The following LRCH4 variants were observed in gnomAD, a reference collection of about 807,000 sequenced individuals.
The protein encoded by LRCH4 is leucine rich repeats and calponin homology domain containing 4, also known as leucine-rich repeat and calponin homology domain-containing protein 4.
LRCH4 carries 56 observed loss-of-function variants against 81.2 expected under a neutral mutation model. That is an observed-to-expected ratio of 0.69 (90% confidence interval 0.56 to 0.86). LRCH4 has a LOEUF of 0.86. LRCH4 is among the 40% of genes least tolerant of loss of function. LRCH4 has a pLI of 0.00. For synonymous variants in LRCH4, 442 were observed against 409.7 expected (o/e 1.08, Z -0.95); for missense variants, 895 against 922.8 (o/e 0.97, Z 0.39).
In LRCH4 at chr7:100,582,647, T is replaced by C. The variant is rs1172543949; in HGVS notation, c.221-188A>G. ...GAGCACATTCCAGGCGTGACCAGAA[T>C]GGCACAGGGAAGGCAAAGGCCTTAG... On this transcript the variant is annotated intron_variant, in intron 1 of 17. Transcript: ENST00000310300. The surrounding 1 kb of genome is among the most constrained non-coding windows in gnomAD (Gnocchi z 5.0). 1.3e-5 allele frequency among the ~76,000 whole-genome samples: 2 copies of C among 152,178 alleles called. No individual in the cohort carries two copies. The highest frequency in any genetic ancestry group is 2.9e-5 in the Non-Finnish European group (2 of 68,016).
chr7:100,578,897 CTCT>C lies in LRCH4; in HGVS notation c.599-114_599-112del. ...CCAGTCACCCTGGGCCCAGCACAGC[CTCT>C]CCCCTGGGTGGCTCAAGTCATTCCC... On this transcript the variant is annotated intron_variant, in intron 4 of 17. Transcript: ENST00000310300. This position sits in a 1 kb window ranked among gnomAD's most constrained non-coding sequence, Gnocchi z 5.7. 8.3e-7 allele frequency: 1 copy of C among 1,211,658 alleles called. No homozygotes were observed. Among genetic ancestry groups the C allele is most frequent in the Admixed American group, 2.3e-5 (1 of 43,210 alleles). The allele number at this position is 1,211,658 out of a possible 1,614,324, so 75.1% of individuals were successfully genotyped here.
Position 100,577,576 on chromosome 7 carries a change from G to C in LRCH4, c.1117-18C>G. ...CGCTGCTCCTAAGGAGAGAACAGCAGAGCAGCTGAGGGCAGGCCTGTGCCC... is the reference window on the plus strand; with the variant it reads ...CGCTGCTCCTAAGGAGAGAACAGCACAGCAGCTGAGGGCAGGCCTGTGCCC... On this transcript the variant is annotated intron_variant, in intron 9 of 17. Transcript: ENST00000310300. This position sits in a 1 kb window ranked among gnomAD's most constrained non-coding sequence, Gnocchi z 6.7. 1 of 1,611,362 alleles carries C rather than the reference G, an allele frequency of 6.2e-7. No individual in the cohort carries two copies. The highest frequency in any genetic ancestry group is 1.7e-5 in the Admixed American group (1 of 60,024).
rs1424781617 is a variant in LRCH4, at chr7:100,579,025, G to A, written c.599-239C>T. The A allele has an allele frequency of 2.2e-5, 12 of 542,648 alleles. No individual in the cohort carries two copies. The East Asian group carries it at 2.2e-4, about 10-fold the overall frequency. 33.6% of individuals were successfully genotyped at this position (542,648 alleles called of 1,614,324 possible). On this transcript the variant is annotated intron_variant, in intron 4 of 17. Transcript: ENST00000310300. ...ATCTGGACGTCAGCTCAGCTTCCCC[G>A]GGAAGGCCCATCCGGACGTCAGGTC...
Position 100,576,333 on chromosome 7 carries a change from A to C in LRCH4, c.1553-10T>G. ...TCTGGTGAGGAAGGGCCTAGGAGAAAAAGGGGGGCATGGGGCTGCCTCCAC... is the reference window on the plus strand; with the variant it reads ...TCTGGTGAGGAAGGGCCTAGGAGAACAAGGGGGGCATGGGGCTGCCTCCAC... On this transcript the variant is annotated splice_polypyrimidine_tract_variant and intron_variant, in intron 14 of 17. Transcript: ENST00000310300. 1 of 1,608,896 alleles carries C rather than the reference A, an allele frequency of 6.2e-7. No individual in the cohort carries two copies.
rs1256291133 is a variant in LRCH4, at chr7:100,578,297, G to C, written c.849-39C>G. On this transcript the variant is annotated intron_variant, in intron 6 of 17. Transcript: ENST00000310300. The surrounding 1 kb of genome is among the most constrained non-coding windows in gnomAD (Gnocchi z 5.7). ...GGCGGATCTGGTCAGCCTGATGCTGGACAACAGCCCCCCATCCTCCTGCCA... is the reference window on the plus strand; with the variant it reads ...GGCGGATCTGGTCAGCCTGATGCTGCACAACAGCCCCCCATCCTCCTGCCA... The C allele has an allele frequency of 1.6e-5, 25 of 1,605,314 alleles. No homozygotes were observed. Among genetic ancestry groups the C allele is most frequent in the Non-Finnish European group, 2.0e-5 (24 of 1,172,242 alleles).
Position 100,576,412 on chromosome 7 carries a change from T to C in LRCH4, c.1553-89A>G, listed in dbSNP as rs1405159515. 16 of 872,496 alleles carry C rather than the reference T, an allele frequency of 1.8e-5. No homozygotes were observed. The East Asian group carries it at 2.6e-4, about 14-fold the overall frequency. The allele number at this position is 872,496 out of a possible 1,614,324, so 54.0% of individuals were successfully genotyped here. On this transcript the variant is annotated intron_variant, in intron 14 of 17. Coordinates refer to ENST00000310300, the MANE Select transcript of LRCH4 (RefSeq NM_002319.5). ...CCAGTGGCCTGGCACCTACACCTCC[T>C]GCCTCTCTGCTTGTGGGATTTTTTT...
Position 100,578,596 on chromosome 7 carries a change from C to T in LRCH4, c.735+54G>A. The stretch of plus-strand genomic sequence containing the variant: ...CTCAGCTATCCAAGGGGACCAACCC[C>T]ACTCCTGCCTAGCCACACCCCTGTC... On this transcript the variant is annotated intron_variant, in intron 5 of 17. Transcript: ENST00000310300. This position sits in a 1 kb window ranked among gnomAD's most constrained non-coding sequence, Gnocchi z 5.7. 6.2e-7 allele frequency: 1 copy of T among 1,603,180 alleles called. No homozygotes were observed. The highest frequency in any genetic ancestry group is 8.5e-7 in the Non-Finnish European group (1 of 1,173,522).
intron 3 of LRCH4, 48 bp downstream of exon 3, chr7:100,581,993 C>A: frequency 6.2e-7 from 1 of 1,600,238 alleles, no homozygotes; most frequent in African/African-American, 1.3e-5. Flanking sequence ...TAGAAGGTCC[C>A]GCTGCCTGGC....
chr7:100,575,474 G>T lies in LRCH4; in HGVS notation c.1855-170C>A. On this transcript the variant is annotated intron_variant, in intron 17 of 17. Transcript: ENST00000310300. The surrounding 1 kb of genome is among the most constrained non-coding windows in gnomAD (Gnocchi z 5.3). ...AGGAGGAGTGCAGGGCAGGGCATGT[G>T]CAGGACAGGTGACATGCAGGACAAG... is the stretch of plus-strand genomic sequence containing the variant. 1 of 823,600 alleles carries T rather than the reference G, an allele frequency of 1.2e-6. No homozygotes were observed. The highest frequency in any genetic ancestry group is 2.0e-6 in the Non-Finnish European group (1 of 492,290). 51.0% of individuals were successfully genotyped at this position (823,600 alleles called of 1,614,324 possible).
rs769310734 is a variant in LRCH4, at chr7:100,578,538, G to C, written c.736-27C>G. The C allele has an allele frequency of 6.2e-7, 1 of 1,606,618 alleles. No homozygotes were observed. Among genetic ancestry groups the C allele is most frequent in the South Asian group, 1.1e-5 (1 of 90,336 alleles). ...TGTGTGCGGGGCAGCACACGCCAGG[G>C]AGTTGGCAGGGAGGGCAGCTCCCCG... On this transcript the variant is annotated intron_variant, in intron 5 of 17. Transcript: ENST00000310300. This position sits in a 1 kb window ranked among gnomAD's most constrained non-coding sequence, Gnocchi z 5.7.
In LRCH4 at chr7:100,585,869, G is replaced by A; in HGVS notation, c.220+12C>T. 8 of 1,585,602 alleles carry A rather than the reference G, an allele frequency of 5.0e-6. No individual in the cohort carries two copies. The highest frequency in any genetic ancestry group is 6.9e-6 in the Non-Finnish European group (8 of 1,162,872). The stretch of plus-strand genomic sequence containing the variant: ...AGGGACCCGGTTGGGCCCGGGGCCC[G>A]GCTGCACTCACCAGCCTGGGTGATG... On this transcript the variant is annotated intron_variant, in intron 1 of 17. Coordinates refer to ENST00000310300, the MANE Select transcript of LRCH4 (RefSeq NM_002319.5).
chr7:100,576,839 C>A (rs1471865683), intron 13 of LRCH4, 62 bp from the exon 14 acceptor site: 1 of 1,535,846 alleles, frequency 6.5e-7, no homozygotes, highest in Non-Finnish European at 8.8e-7. Flanking sequence ...CCTCTGTGTC[C>A]CTCTCTCCCA....
chr7:100,584,242 C>T, intron 1 of LRCH4: 1 of 456,470 alleles, frequency 2.2e-6, no homozygotes, highest in Non-Finnish European at 4.4e-6. Flanking sequence ...CCTTTCTGTC[C>T]CTGCTTGCGG....
At position 100,574,925 on chromosome 7, in the gene LRCH4, CCA is replaced by C; in HGVS notation, c.*180_*181del. 1.7e-6 allele frequency: 1 copy of C among 598,910 alleles called. No homozygotes were observed. Among genetic ancestry groups the C allele is most frequent in the Non-Finnish European group, 2.9e-6 (1 of 343,372 alleles). The allele number at this position is 598,910 out of a possible 1,614,324, so 37.1% of individuals were successfully genotyped here. ...GACTCGTGGGGCTACTGGAGGGAGG[CCA>C]GAGGCTGGGGGCCCAGGGTCTGGGG... On this transcript the variant is annotated 3_prime_UTR_variant, in exon 18 of 18. Coordinates refer to ENST00000310300, the MANE Select transcript of LRCH4 (RefSeq NM_002319.5).
At position 100,575,750 on chromosome 7, in the gene LRCH4, A is replaced by G. The variant is rs1562804311; in HGVS notation, c.1809T>C (p.Asn603=). ...PKLSALKARK[N]VESFLEACRK... ...GACAGGCTTCTAGAAAACTCTCCAC[A>G]TTCTTCCGAGCCTTGAGGGCACTGA... Residue 603 remains asparagine, a synonymous_variant, in exon 17 of 18, where the codon AAT becomes AAC. Transcript: ENST00000310300. This position sits in a 1 kb window ranked among gnomAD's most constrained non-coding sequence, Gnocchi z 5.3. 12 of 1,613,234 alleles carry G rather than the reference A, an allele frequency of 7.4e-6. No homozygotes were observed. Among genetic ancestry groups the G allele is most frequent in the Non-Finnish European group, 1.0e-5 (12 of 1,179,426 alleles).
Position 100,576,766 on chromosome 7 carries a change from C to T in LRCH4, c.1480G>A (p.Ala494Thr). ...TGAATGGAGCCAAGTGGCCGTGGAG[C>T]AGGTGCTGTCGCTGGGGCCGGAACC... ...LPIAGPATAP[A>T]PRPLGSIQRP... The change falls in exon 14 of 18, where the codon GCT becomes ACT. Residue 494 changes from alanine to threonine, a missense_variant. Transcript: ENST00000310300. 1.3e-6 allele frequency: 2 copies of T among 1,593,604 alleles called. No homozygotes were observed. The highest frequency in any genetic ancestry group is 1.3e-5 in the African/African-American group (1 of 74,724).
Position 100,574,818 on chromosome 7 carries a change from C to A in LRCH4, c.*289G>T. On this transcript the variant is annotated 3_prime_UTR_variant, in exon 18 of 18. Coordinates refer to ENST00000310300, the MANE Select transcript of LRCH4 (RefSeq NM_002319.5). Reference sequence around the variant, plus strand: ...CACAGGAGGAAGGGGGAGACTCCAGCTCCTGCCACCCCTCACGGGGTACAG... The same window carrying A: ...CACAGGAGGAAGGGGGAGACTCCAGATCCTGCCACCCCTCACGGGGTACAG... 2.8e-6 allele frequency: 1 copy of A among 355,936 alleles called. No homozygotes were observed. Among genetic ancestry groups the A allele is most frequent in the Non-Finnish European group, 5.1e-6 (1 of 194,408 alleles). 22.0% of individuals were successfully genotyped at this position (355,936 alleles called of 1,614,324 possible). A position where few individuals can be genotyped will look rare whatever the true frequency, so the allele number is the denominator to read the frequency against.
At chr7:100,579,456 G>A (rs1389313631) in intron 4 of LRCH4, 1 of 152,254 alleles carries the variant, frequency 6.6e-6, no homozygotes, top group Non-Finnish European at 1.5e-5. Flanking sequence ...AATTAGCCGG[G>A]TGTGGTGGCG....
rs149939717 is a variant in LRCH4, at chr7:100,575,136, C to T, written c.2023G>A (p.Val675Ile). The T allele has an allele frequency of 1.1e-4, 171 of 1,612,644 alleles. No individual in the cohort carries two copies. Among genetic ancestry groups the T allele is most frequent in the Admixed American group, 1.2e-4 (7 of 59,830 alleles). The change falls in exon 18 of 18, where the codon GTC becomes ATC. Residue 675 changes from valine (V) to isoleucine (I), a missense_variant. Physicochemically the swap from Val to Ile is conservative, Grantham distance 29. Around this residue, in one of 3 missense-constraint regions of LRCH4, gnomAD observed 529 missense variants for 504.9 expected, o/e 1.05. Coordinates refer to ENST00000310300, the MANE Select transcript of LRCH4 (RefSeq NM_002319.5). The surrounding 1 kb of genome is among the most constrained non-coding windows in gnomAD (Gnocchi z 5.3). ...FYVVLMLLLY[V>I]TYTRLLGS ...GAACCCAGGAGCCGAGTGTAGGTGACATAGAGCAGCAGCATGAGGACCACG... is the reference window on the plus strand; with the variant it reads ...GAACCCAGGAGCCGAGTGTAGGTGATATAGAGCAGCAGCATGAGGACCACG...
Sources: gnomAD v4.1 joint callset for allele counts (sites outside exome capture counted in the v4.1 genomes callset) on GRCh38, gnomAD v4.1.1 for gene constraint, gnomAD v4.1.1 regional missense constraint, Gnocchi (gnomAD v3.1) non-coding constraint, MANE v1.5 for transcripts, NCBI Gene and HGNC (gene_info 2026-07-23, HGNC 2026-07-21) for gene names.